The following LPCAT2 variants were observed in gnomAD, a reference collection of about 807,000 sequenced individuals.
LPCAT2 encodes the protein lysophosphatidylcholine acyltransferase 2.
LPCAT2 carries 58 observed loss-of-function variants against 64.7 expected under a neutral mutation model. That is an observed-to-expected ratio of 0.90 (90% CI 0.73 to 1.12). LPCAT2 has a LOEUF of 1.12. LPCAT2 is among the 50% of genes most tolerant of loss of function. The pLI is 0.00. For missense variants in LPCAT2, 579 were observed against 669.8 expected (o/e 0.86, Z 1.50); for synonymous variants, 252 against 245.3 (o/e 1.03, Z -0.26).
intron 8 of LPCAT2, chr16:55,541,921 TA>T: frequency 7.8e-7 from 1 of 1,281,712 alleles, no homozygotes; most frequent in South Asian, 1.2e-5. Context: ...TTCGAAGATT[TA>T]AAAGAAGAAT....
chr16:55,569,034 G>A (rs1963739856), intron 11 of LPCAT2, among the ~76,000 whole-genome samples: 1 of 152,110 alleles, frequency 6.6e-6, no homozygotes, highest in South Asian at 2.1e-4. Context: ...GGCTACTTTG[G>A]AGGGTCATCC....
At chr16:55,578,279 A>T (rs545153288) in intron 12 of LPCAT2, among the ~76,000 whole-genome samples, 2 of 152,292 alleles carry the variant, frequency 1.3e-5, no homozygotes, top group African/African-American at 4.8e-5. Context: ...CAGTTTCCTA[A>T]AATGATATTC....
intron 11 of LPCAT2, among the ~76,000 whole-genome samples, chr16:55,570,794 A>G (rs1963761755): frequency 6.6e-6 from 1 of 152,214 alleles, no homozygotes; most frequent in Non-Finnish European, 1.5e-5. Context: ...AAACTGATTC[A>G]ATTATGTATA....
intron 9 of LPCAT2, 65 bp from the exon 10 acceptor site, chr16:55,549,212 A>G: frequency 7.6e-7 from 1 of 1,322,980 alleles, no homozygotes; most frequent in Non-Finnish European, 1.0e-6. Flanking sequence ...GTTAAAGCCT[A>G]GTGAAATATG....
At chr16:55,556,944 A>G (rs1963583669) in intron 11 of LPCAT2, 1 of 152,244 alleles carries the variant, frequency 6.6e-6, no homozygotes, top group Admixed American at 6.5e-5. Context: ...CAATTGGCCC[A>G]GGCAGTTGGA....
chr16:55,567,682 G>A (rs1320402534), intron 11 of LPCAT2: 20 of 634,032 alleles, frequency 3.2e-5, no homozygotes, highest in South Asian at 9.1e-5. Context: ...GATATTTCAC[G>A]AAAAATGTTC....
intron 11 of LPCAT2, chr16:55,567,511 A>G (rs775971403): frequency 6.2e-7 from 1 of 1,609,244 alleles, no homozygotes; most frequent in Non-Finnish European, 8.5e-7. Flanking sequence ...TGAAGTGGGA[A>G]CTGAGAAGTC....
chr16:55,569,612 G>A (rs907188788), intron 11 of LPCAT2, among the ~76,000 whole-genome samples: 1 of 152,112 alleles, frequency 6.6e-6, no homozygotes, highest in Non-Finnish European at 1.5e-5. Flanking sequence ...CACTAGGAGT[G>A]GTATTATTGC....
intron 1 of LPCAT2, among the ~76,000 whole-genome samples, chr16:55,522,822 A>G (rs1278038155): frequency 6.6e-6 from 1 of 151,774 alleles, no homozygotes; most frequent in African/African-American, 2.4e-5. Context: ...AAGATTGATC[A>G]TAGATTGAAA....
chr16:55,541,725 A>G, intron 8 of LPCAT2: 1 of 426,356 alleles, frequency 2.3e-6, no homozygotes, highest in South Asian at 2.6e-5. Flanking sequence ...ACTGACAAAA[A>G]TGGGGATAAT....
intron 11 of LPCAT2, among the ~76,000 whole-genome samples, chr16:55,560,102 C>T (rs534509712): frequency 2.4e-4 from 36 of 152,188 alleles, no homozygotes; most frequent in Admixed American, 1.9e-3. Context: ...TAGTGGCCTC[C>T]TCCAAGAGCA....
intron 1 of LPCAT2, among the ~76,000 whole-genome samples, chr16:55,519,508 C>CA (rs34058877): frequency 0.5 from 60,885 of 122,342 alleles, 13,988 homozygotes; most frequent in Non-Finnish European, 0.56. Context: ...GACTCCATCA[C>CA]AAAAAAAAAA....
chr16:55,528,563 A>G lies in LPCAT2; in HGVS notation c.498A>G (p.Arg166=). The G allele has an allele frequency of 6.2e-7, 1 of 1,613,782 alleles. No homozygotes were observed. The highest frequency in any genetic ancestry group is 8.5e-7 in the Non-Finnish European group (1 of 1,179,750). The change falls in exon 3 of 14, where the codon CGA becomes CGG. Residue 166 remains arginine, a synonymous_variant. Coordinates refer to ENST00000262134, the MANE Select transcript of LPCAT2 (RefSeq NM_017839.5). ...VVAGLPSMVS[R]NENAQVPLIG... The stretch of plus-strand genomic sequence containing the variant: ...CTGGGTTACCTTCTATGGTATCTCG[A>G]AATGAGAATGCACAAGTCCCTCTGA...
At chr16:55,518,028 T>G (rs1244404589) in intron 1 of LPCAT2, among the ~76,000 whole-genome samples, 1 of 152,196 alleles carries the variant, frequency 6.6e-6, no homozygotes, top group Non-Finnish European at 1.5e-5. Flanking sequence ...GATGGCATGA[T>G]TTTTTAAACA....
rs1244232026 is a variant in LPCAT2 at position 55,579,223 on chromosome 16, C to T, written c.1429C>T (p.Gln477Ter). 9 of 1,612,806 alleles carry T rather than the reference C, an allele frequency of 5.6e-6. No homozygotes were observed. The highest frequency in any genetic ancestry group is 7.6e-6 in the Non-Finnish European group (9 of 1,179,436). The change falls in exon 13 of 14, where the codon CAA becomes TAA. Residue 477 changes from glutamine (Q) to a stop codon, truncating the protein, a stop_gained. Transcript: ENST00000262134. LOFTEE classifies it high-confidence loss of function. ...TTCTGGTCTCTTCAAGGAAATAGCC[C>T]AAGGGGACTCAATTTCCTATGGTGA... Reference protein sequence around the residue: ...DVSGLFKEIAQGDSISYEEFK... With the variant: ...DVSGLFKEIA
At chr16:55,549,169 AAAT>A in intron 9 of LPCAT2, 105 bp from the exon 10 acceptor site, 1 of 836,840 alleles carries the variant, frequency 1.2e-6, no homozygotes, top group Non-Finnish European at 1.8e-6. Context: ...AAAAAGTAGT[AAAT>A]ACTTTTTCAT....
chr16:55,519,377 C>T (rs1299416576), intron 1 of LPCAT2, among the ~76,000 whole-genome samples: 8 of 149,936 alleles, frequency 5.3e-5, no homozygotes, highest in Non-Finnish European at 1.0e-4. Context: ...GGCGTGGTGG[C>T]GGGCGCCTGT....
intron 5 of LPCAT2, 176 bp downstream of exon 5, chr16:55,532,150 G>T: frequency 7.2e-6 from 4 of 556,320 alleles, no homozygotes; most frequent in South Asian, 6.4e-5. Context: ...CTCTTTTGGG[G>T]TCATAATTCC....
intron 2 of LPCAT2, 90 bp from the exon 3 acceptor site, chr16:55,528,287 T>G: frequency 1.1e-6 from 1 of 872,922 alleles, no homozygotes; most frequent in Non-Finnish European, 1.8e-6. Context: ...TACTCTGACA[T>G]GTTTTGGTTT....
Sources: allele counts gnomAD v4.1 joint callset (sites outside exome capture counted in the v4.1 genomes callset), GRCh38; gene constraint gnomAD v4.1.1; transcripts MANE v1.5; gene names NCBI Gene and HGNC (gene_info 2026-07-23, HGNC 2026-07-21).